Variants in ACSS3 observed in about 807,000 individuals in gnomAD.
ACSS3 encodes the protein acyl-CoA synthetase short chain family member 3.
ACSS3 carries 64 observed loss-of-function variants against 84.2 expected under a neutral mutation model. The ratio of observed to expected loss-of-function variants is 0.76; its 90% CI spans 0.62 to 0.94. ACSS3 has a LOEUF of 0.94. ACSS3 is among the 40% of genes least tolerant of loss of function. The pLI is 0.00. For missense variants in ACSS3, 815 were observed against 867.6 expected (o/e 0.94, Z 0.76); for synonymous variants, 317 against 310.1 (o/e 1.02, Z -0.23).
chr12:81,241,521 C>T (rs892364691), intron 13 of ACSS3, among the ~76,000 whole-genome samples: 11 of 152,176 alleles, frequency 7.2e-5, no homozygotes, highest in South Asian at 4.2e-4. Context: ...TTTTAGTGAT[C>T]GCCATTCTAA....
At chr12:81,172,148 C>A (rs995846915) in intron 7 of ACSS3, among the ~76,000 whole-genome samples, 2 of 150,842 alleles carry the variant, frequency 1.3e-5, no homozygotes, top group Non-Finnish European at 1.5e-5. Context: ...GTTCTGTAAT[C>A]TCAGGTACTC....
chr12:81,199,335 A>T lies in ACSS3; in HGVS notation c.1251-6A>T, dbSNP rs1395537638. 5 of 1,605,334 alleles carry T rather than the reference A, an allele frequency of 3.1e-6. No homozygotes were observed. The highest frequency in any genetic ancestry group is 4.3e-6 in the Non-Finnish European group (5 of 1,176,444). On this transcript the variant is annotated splice_polypyrimidine_tract_variant and splice_region_variant and intron_variant, in intron 8 of 15. Coordinates refer to ENST00000548058, the MANE Select transcript of ACSS3 (RefSeq NM_024560.4). ...GAATAATTTGAATTCACTGTCTCAT[A>T]TTCAGGTTCAAAACATTATTTGTGG...
rs748655179 is a variant in ACSS3 at position 81,231,090 on chromosome 12, C to G, written c.1548C>G (p.Leu516=). 3 of 1,610,768 alleles carry G rather than the reference C, an allele frequency of 1.9e-6. No individual in the cohort carries two copies. In the African/African-American group the frequency reaches 4.0e-5, roughly 22 times the overall value. Residue 516 remains leucine, a synonymous_variant, in exon 12 of 16, where the codon CTC becomes CTG. Transcript: ENST00000548058. The stretch of plus-strand genomic sequence containing the variant: ...TGCCACCTGGGGCTTTTTCAGGACT[C>G]TGGAAGAATCAGGAAGCATTCAAGC... ...LPLPPGAFSG[L]WKNQEAFKHL...
At chr12:81,251,778 G>A (rs374683877) in intron 13 of ACSS3, among the ~76,000 whole-genome samples, 21 of 152,050 alleles carry the variant, frequency 1.4e-4, no homozygotes, top group Admixed American at 9.8e-4. Context: ...GGGAGATTGA[G>A]GTTGCAGTGA....
At chr12:81,164,034 A>G (rs1887284498) in intron 7 of ACSS3, among the ~76,000 whole-genome samples, 2 of 152,220 alleles carry the variant, frequency 1.3e-5, no homozygotes, top group African/African-American at 2.4e-5. Flanking sequence ...GTAGTATTGT[A>G]CAATAATGTC....
chr12:81,180,558 C>T (rs1323317528), intron 8 of ACSS3, among the ~76,000 whole-genome samples: 2 of 152,076 alleles, frequency 1.3e-5, no homozygotes, highest in African/African-American at 2.4e-5. Flanking sequence ...CTCTGTTGCC[C>T]AGGCTGGAGT....
At chr12:81,187,097 C>G (rs954248406) in intron 8 of ACSS3, among the ~76,000 whole-genome samples, 1 of 151,630 alleles carries the variant, frequency 6.6e-6, no homozygotes, top group Non-Finnish European at 1.5e-5. Context: ...TTAAATAGGT[C>G]AGACACAGAA....
At chr12:81,202,137 G>A (rs2135904096) in intron 9 of ACSS3, among the ~76,000 whole-genome samples, 1 of 152,060 alleles carries the variant, frequency 6.6e-6, no homozygotes, top group Non-Finnish European at 1.5e-5. Flanking sequence ...AAATTAGCCG[G>A]GTGTGGTAGT....
intron 9 of ACSS3, among the ~76,000 whole-genome samples, chr12:81,207,954 C>G (rs529545714): frequency 6.6e-6 from 1 of 152,210 alleles, no homozygotes; most frequent in East Asian, 1.9e-4. Flanking sequence ...GGTCTTCTTC[C>G]TATACAAAGA....
At chr12:81,082,527 G>A (rs1334607274) in intron 1 of ACSS3, among the ~76,000 whole-genome samples, 4 of 152,112 alleles carry the variant, frequency 2.6e-5, no homozygotes, top group African/African-American at 9.7e-5. Flanking sequence ...CATATGCAAA[G>A]GCCATGAGGT....
chr12:81,247,376 A>T (rs1241936994), intron 13 of ACSS3, among the ~76,000 whole-genome samples: 1 of 152,058 alleles, frequency 6.6e-6, no homozygotes, highest in African/African-American at 2.4e-5. Flanking sequence ...CTATTCAAAG[A>T]TATGTTGTGT....
At chr12:81,166,154 T>C (rs1454552340) in intron 7 of ACSS3, among the ~76,000 whole-genome samples, 1 of 152,162 alleles carries the variant, frequency 6.6e-6, no homozygotes, top group Non-Finnish European at 1.5e-5. Flanking sequence ...CCAATTGGAC[T>C]TGGATTGTTG....
chr12:81,198,765 T>A (rs1180589776), intron 8 of ACSS3, among the ~76,000 whole-genome samples: 1 of 152,146 alleles, frequency 6.6e-6, no homozygotes, highest in African/African-American at 2.4e-5. Context: ...TGAAGAACCT[T>A]TTTGACTTCC....
intron 8 of ACSS3, among the ~76,000 whole-genome samples, chr12:81,182,923 T>C (rs937598029): frequency 1.3e-5 from 2 of 152,156 alleles, no homozygotes; most frequent in Admixed American, 6.6e-5. Flanking sequence ...TCTGGTCATG[T>C]ATTTTCTTAG....
chr12:81,110,632 G>A (rs1162976025), intron 2 of ACSS3, among the ~76,000 whole-genome samples: 1 of 152,158 alleles, frequency 6.6e-6, no homozygotes, highest in African/African-American at 2.4e-5. Context: ...ATATTTTGTT[G>A]TGGGTGCTGC....
At position 81,140,261 on chromosome 12, in the gene ACSS3, A is replaced by G. The variant is rs575329663; in HGVS notation, c.780+996A>G. Among the ~76,000 whole-genome samples, 6 of 152,368 alleles carry G rather than the reference A, an allele frequency of 3.9e-5. No homozygotes were observed. The South Asian group carries it at 1.2e-3, about 32-fold the overall frequency. ...TGTGATCTATGAAGGAAGGGAGAAC[A>G]GTATAAGATATCAATGAATACAATT... is the stretch of plus-strand genomic sequence containing the variant. On this transcript the variant is annotated intron_variant, in intron 4 of 15. Coordinates refer to ENST00000548058, the MANE Select transcript of ACSS3 (RefSeq NM_024560.4).
intron 9 of ACSS3, among the ~76,000 whole-genome samples, chr12:81,212,953 C>T (rs1242665162): frequency 6.6e-6 from 1 of 152,108 alleles, no homozygotes; most frequent in Non-Finnish European, 1.5e-5. Flanking sequence ...TCCTAGCTGT[C>T]TCTTATCTAA....
chr12:81,213,881 T>TC (rs2032759457), intron 9 of ACSS3, among the ~76,000 whole-genome samples: 1 of 114,426 alleles, frequency 8.7e-6, no homozygotes, highest in Non-Finnish European at 2.0e-5. Context: ...TCTTTCTTTC[T>TC]TTCCTTTCTT....
At chr12:81,241,833 T>G (rs11834125) in intron 13 of ACSS3, among the ~76,000 whole-genome samples, 8,072 of 152,220 alleles carry the variant, frequency 0.053, 390 homozygotes, top group African/African-American at 0.13. Context: ...AGAAGCTCTT[T>G]AGTTTAATTA....
Sources: gnomAD v4.1 joint callset for allele counts (sites outside exome capture counted in the v4.1 genomes callset) on GRCh38, gnomAD v4.1.1 for gene constraint, MANE v1.5 for transcripts, NCBI Gene and HGNC (gene_info 2026-07-23, HGNC 2026-07-21) for gene names.